The following AP2A2 variants were observed in gnomAD, a reference collection of about 807,000 sequenced individuals.
The protein encoded by AP2A2 is adaptor related protein complex 2 subunit alpha 2, also known as AP-2 complex subunit alpha-2.
AP2A2 carries 32 observed loss-of-function variants against 104.2 expected under a neutral mutation model. The ratio of observed to expected loss-of-function variants is 0.31; its 90% CI spans 0.23 to 0.41. The LOEUF (loss-of-function observed/expected upper bound fraction) is 0.41, where lower values mean the gene tolerates loss of function less well. Among genes scored for constraint, AP2A2 ranks in the 10% least tolerant of loss-of-function variants. The probability of loss-of-function intolerance (pLI) is 1.00; values close to 1 mark genes in which losing one functional copy is unlikely to be tolerated. For synonymous variants in AP2A2, 539 were observed against 533.3 expected (o/e 1.01, Z -0.15); for missense variants, 912 against 1,261.0 (o/e 0.72, Z 4.19).
In AP2A2 at chr11:972,044, C is replaced by T. The variant is rs138741279; in HGVS notation, c.280-18C>T. The T allele has an allele frequency of 6.6e-4, 1,056 of 1,604,562 alleles. 12 individuals carry two copies. The Admixed American group carries it at 0.013, about 19-fold the overall frequency. ...GGATTGTCATGAGCTTTCTCTTCTC[C>T]TGTCTTTTGGAACGCAGGGCTACCT... On this transcript the variant is annotated intron_variant, in intron 3 of 21. Transcript: ENST00000448903.
At chr11:996,860 C>T (rs979079607) in intron 14 of AP2A2, among the ~76,000 whole-genome samples, 2 of 104,888 alleles carry the variant, frequency 1.9e-5, no homozygotes, top group Non-Finnish European at 4.4e-5. Flanking sequence ...GGTGTGTGGG[C>T]ACCTCCGTCC....
intron 3 of AP2A2, 86 bp downstream of exon 3, chr11:970,397 C>T (rs1391563630): frequency 6.5e-7 from 1 of 1,530,508 alleles, no homozygotes. Context: ...GCCGCTGCTT[C>T]CTTCTCTGCC....
chr11:1,007,913 G>C (rs1020453689), intron 17 of AP2A2, 99 bp from the exon 18 acceptor site: 2 of 1,519,040 alleles, frequency 1.3e-6, no homozygotes, highest in Admixed American at 3.9e-5. Flanking sequence ...AGAGTGTGGT[G>C]AGTGTGCTCG....
At chr11:926,526 C>T (rs1853127005) in intron 1 of AP2A2, among the ~76,000 whole-genome samples, 1 of 152,152 alleles carries the variant, frequency 6.6e-6, no homozygotes, top group Admixed American at 6.5e-5. Flanking sequence ...ACGCCCCTCC[C>T]CAGCATGATG....
At chr11:994,857 C>G (rs1855797455) in intron 14 of AP2A2, among the ~76,000 whole-genome samples, 1 of 133,272 alleles carries the variant, frequency 7.5e-6, no homozygotes, top group East Asian at 2.2e-4. Flanking sequence ...GCCACTGTCC[C>G]TGCTGCACAC....
intron 1 of AP2A2, among the ~76,000 whole-genome samples, chr11:959,121 TAA>T (rs956020702): frequency 6.6e-6 from 1 of 152,198 alleles, no homozygotes; most frequent in African/African-American, 2.4e-5. Context: ...CTGAGCTTGG[TAA>T]AGAGGTAGAG....
At chr11:967,830 C>A (rs1854673467) in intron 2 of AP2A2, among the ~76,000 whole-genome samples, 1 of 152,286 alleles carries the variant, frequency 6.6e-6, no homozygotes, top group Non-Finnish European at 1.5e-5. Context: ...CTCCTCTGAT[C>A]TGCACAAACC....
intron 1 of AP2A2, chr11:942,454 C>G (rs1853686742): frequency 6.6e-6 from 1 of 152,188 alleles, no homozygotes; most frequent in African/African-American, 2.4e-5. Context: ...ACCTAGAAAT[C>G]AAAGGAAAGG....
At chr11:943,833 C>T (rs866029944) in intron 1 of AP2A2, among the ~76,000 whole-genome samples, 34 of 145,312 alleles carry the variant, frequency 2.3e-4, no homozygotes, top group Middle Eastern at 3.7e-3. Context: ...TAGGAGAGTC[C>T]GACCGGAGAT....
At chr11:1,005,395 G>A (rs1262346221) in intron 16 of AP2A2, among the ~76,000 whole-genome samples, 2 of 152,244 alleles carry the variant, frequency 1.3e-5, no homozygotes, top group Non-Finnish European at 2.9e-5. Flanking sequence ...AGATGAGAAC[G>A]TTCTGGAGAT....
rs1287059499 is a variant in AP2A2 at position 959,417 on chromosome 11, C to G, written c.68-20C>G. ...TAGAAATCAATTAAAATAAAAATGGCTTTTTGTTCTTTTTTTTAGGTAAAA... is the reference window on the plus strand; with the variant it reads ...TAGAAATCAATTAAAATAAAAATGGGTTTTTGTTCTTTTTTTTAGGTAAAA... On this transcript the variant is annotated intron_variant, in intron 1 of 21. Transcript: ENST00000448903. 6.8e-7 allele frequency: 1 copy of G among 1,471,268 alleles called. No individual in the cohort carries two copies. The highest frequency in any genetic ancestry group is 9.4e-7 in the Non-Finnish European group (1 of 1,059,754). The allele number at this position is 1,471,268 out of a possible 1,614,324, so 91.1% of individuals were successfully genotyped here. A position where few individuals can be genotyped will look rare whatever the true frequency, so the allele number is the denominator to read the frequency against.
chr11:927,703 C>T (rs1159010927), intron 1 of AP2A2, among the ~76,000 whole-genome samples: 1 of 149,618 alleles, frequency 6.7e-6, no homozygotes, highest in Non-Finnish European at 1.5e-5. Flanking sequence ...TCTATAGTCC[C>T]AGCTACTTGG....
chr11:1,008,313 A>G (rs972640051), intron 18 of AP2A2, 178 bp downstream of exon 18: 16 of 972,828 alleles, frequency 1.6e-5, no homozygotes, highest in Non-Finnish European at 2.3e-5. Context: ...CGCAGGAAAC[A>G]AGGGGAGGCG....
chr11:1,010,328 T>C (rs2133799153), intron 21 of AP2A2: 1 of 587,444 alleles, frequency 1.7e-6, no homozygotes, highest in Non-Finnish European at 3.0e-6. Flanking sequence ...CGTGCCACTT[T>C]GCACTCCCGC....
At chr11:994,031 GC>G in intron 13 of AP2A2, 40 bp from the exon 14 acceptor site, 1 of 1,609,292 alleles carries the variant, frequency 6.2e-7, no homozygotes, top group Non-Finnish European at 8.5e-7. Flanking sequence ...AGGGTTGGAG[GC>G]CAGGAGCTCT....
At chr11:987,000 G>A (rs1855484276) in intron 9 of AP2A2, 47 bp downstream of exon 9, 8 of 1,535,566 alleles carry the variant, frequency 5.2e-6, no homozygotes, top group African/African-American at 1.4e-5. Flanking sequence ...AGCAGGTGCC[G>A]TGGGTCTTCC....
At chr11:994,906 C>A (rs1278179334) in intron 14 of AP2A2, among the ~76,000 whole-genome samples, 2 of 126,230 alleles carry the variant, frequency 1.6e-5, no homozygotes, top group East Asian at 4.4e-4. Context: ...CCCTGCTGGA[C>A]GCCCCCCTGG....
rs563023776 is a variant in AP2A2, at chr11:947,302, C to T, written c.68-12135C>T. On this transcript the variant is annotated intron_variant, in intron 1 of 21. Transcript: ENST00000448903. ...CTGAGATTGCAGGCGTGAGCCATTA[C>T]GCTTGGCCCCTATCTGCCTTAAAAG... Among the ~76,000 whole-genome samples the T allele has an allele frequency of 1.8e-3, 270 of 152,226 alleles. 1 individual carries two copies. Among genetic ancestry groups the T allele is most frequent in the African/African-American group, 3.7e-3 (152 of 41,552 alleles).
chr11:956,712 A>G (rs1854247506), intron 1 of AP2A2: 1 of 152,222 alleles, frequency 6.6e-6, no homozygotes, highest in Non-Finnish European at 1.5e-5. Flanking sequence ...TCCCTTTAGC[A>G]ATAGATTTAG....
Sources: gnomAD v4.1 joint callset for allele counts (sites outside exome capture counted in the v4.1 genomes callset) on GRCh38, gnomAD v4.1.1 for gene constraint, MANE v1.5 for transcripts, NCBI Gene and HGNC (gene_info 2026-07-23, HGNC 2026-07-21) for gene names.